CTNNA2: variants seen among roughly 807,000 people sequenced by gnomAD.
CTNNA2 encodes the protein catenin alpha-2.
A neutral mutation model predicts 101.0 loss-of-function variants in CTNNA2; 42 were observed. That is an observed-to-expected ratio of 0.42 (90% CI 0.32 to 0.54). The LOEUF (loss-of-function observed/expected upper bound fraction) is 0.54, where lower values mean the gene tolerates loss of function less well. Ranked by LOEUF, CTNNA2 falls within the 20% of genes least tolerant of loss-of-function variation. CTNNA2 has a pLI of 0.14. For missense variants in CTNNA2, 871 were observed against 1,223.1 expected (o/e 0.71, Z 4.29); for synonymous variants, 450 against 456.4 (o/e 0.99, Z 0.18).
chr2:79,428,359 C>T (rs750064163), intron 4 of CTNNA2, among the ~76,000 whole-genome samples: 4 of 152,052 alleles, frequency 2.6e-5, no homozygotes, highest in Non-Finnish European at 5.9e-5. Flanking sequence ...AGGCTCCACT[C>T]ACCTGTAGGT....
chr2:79,874,732 C>G (rs944359344), intron 6 of CTNNA2, among the ~76,000 whole-genome samples: 3 of 152,220 alleles, frequency 2.0e-5, no homozygotes, highest in African/African-American at 7.2e-5. Flanking sequence ...CGCTTAAACT[C>G]GGGAGGCGGA....
intron 1 of CTNNA2, among the ~76,000 whole-genome samples, chr2:79,554,391 A>G (rs1011668426): frequency 2.6e-5 from 4 of 152,162 alleles, no homozygotes; most frequent in Non-Finnish European, 5.9e-5. Flanking sequence ...AAAGAACTGT[A>G]GATGGAGATC....
intron 6 of CTNNA2, among the ~76,000 whole-genome samples, chr2:79,897,035 G>A (rs1171731847): frequency 6.6e-6 from 1 of 152,088 alleles, no homozygotes; most frequent in East Asian, 1.9e-4. Context: ...ACTGAGTAGA[G>A]GTGAGATTAT....
chr2:79,782,609 T>C (rs1674537320), intron 3 of CTNNA2, among the ~76,000 whole-genome samples: 1 of 152,198 alleles, frequency 6.6e-6, no homozygotes, highest in Non-Finnish European at 1.5e-5. Flanking sequence ...AAGATAAATT[T>C]TCTTATCTTC....
At chr2:79,242,653 C>A (rs894935676) in intron 2 of CTNNA2, among the ~76,000 whole-genome samples, 1 of 152,064 alleles carries the variant, frequency 6.6e-6, no homozygotes, top group African/African-American at 2.4e-5. Flanking sequence ...TATTGGAGAG[C>A]TATTAGAATT....
chr2:80,261,340 G>T (rs17018925), intron 7 of CTNNA2, among the ~76,000 whole-genome samples: 1 of 151,834 alleles, frequency 6.6e-6, no homozygotes, highest in Admixed American at 6.6e-5. Flanking sequence ...ACAGAACCCC[G>T]TAAAAGTTTA....
In CTNNA2 at chr2:80,382,336, T is replaced by C. The variant is rs115976965; in HGVS notation, c.1057-10875T>C. On this transcript the variant is annotated intron_variant, in intron 7 of 18. Transcript: ENST00000402739. ...TAATGGTCTGACACTTTCCTATCCT[T>C]GGGCAGCTGTGCCTTTAATTGGATA... 5.9e-3 allele frequency among the ~76,000 whole-genome samples: 886 copies of C among 150,612 alleles called. 5 individuals are homozygous for C. Among genetic ancestry groups the C allele is most frequent in the African/African-American group, 0.021 (833 of 40,118 alleles).
chr2:79,790,627 A>T (rs141441248), intron 3 of CTNNA2, among the ~76,000 whole-genome samples: 2,944 of 152,310 alleles, frequency 0.019, 87 homozygotes, highest in African/African-American at 0.066. Context: ...AGGAATCAGA[A>T]TGTAAGGCCA....
chr2:79,649,699 A>G (rs1681083116), intron 1 of CTNNA2, among the ~76,000 whole-genome samples: 1 of 152,182 alleles, frequency 6.6e-6, no homozygotes, highest in Non-Finnish European at 1.5e-5. Flanking sequence ...GTCGGTGCCA[A>G]CTATTGTTGT....
chr2:79,578,981 G>C (rs894097947), intron 1 of CTNNA2, among the ~76,000 whole-genome samples: 1 of 151,816 alleles, frequency 6.6e-6, no homozygotes, highest in Admixed American at 6.6e-5. Flanking sequence ...TGTCATATTT[G>C]ACATTACTAC....
intron 4 of CTNNA2, among the ~76,000 whole-genome samples, chr2:79,463,039 C>G (rs1368870019): frequency 6.6e-6 from 1 of 152,178 alleles, no homozygotes; most frequent in South Asian, 2.1e-4. Context: ...GGGTAGATAA[C>G]TTCTCTATTC....
intron 7 of CTNNA2, among the ~76,000 whole-genome samples, chr2:80,284,478 A>T (rs1674602654): frequency 6.6e-6 from 1 of 152,102 alleles, no homozygotes; most frequent in African/African-American, 2.4e-5. Context: ...CCTGATACAC[A>T]GTGGTTCAAA....
intron 7 of CTNNA2, among the ~76,000 whole-genome samples, chr2:80,214,981 T>A (rs1012417228): frequency 6.6e-6 from 1 of 152,160 alleles, no homozygotes; most frequent in Non-Finnish European, 1.5e-5. Context: ...TCTCTAAACT[T>A]CTCTTCTCGC....
At chr2:79,506,707 C>T (rs1671420766) in intron 5 of CTNNA2, among the ~76,000 whole-genome samples, 1 of 152,210 alleles carries the variant, frequency 6.6e-6, no homozygotes, top group South Asian at 2.1e-4. Flanking sequence ...ATCATCAAAA[C>T]ATATTTGGTA....
Position 79,874,478 on chromosome 2 carries a change from T to C in CTNNA2, c.852+136T>C, listed in dbSNP as rs1361514702. The C allele has an allele frequency of 3.8e-6, 4 of 1,046,112 alleles. No homozygotes were observed. The African/African-American group carries it at 4.8e-5, about 13-fold the overall frequency. The allele number at this position is 1,046,112 out of a possible 1,614,324, so 64.8% of individuals were successfully genotyped here. ...TGGAGGTTTTAATAGTAAGATAAAC[T>C]ACATAATGCATTTCTGTAATATATT... On this transcript the variant is annotated intron_variant, in intron 6 of 18. Transcript: ENST00000402739.
At chr2:80,345,091 C>A (rs193020163) in intron 7 of CTNNA2, among the ~76,000 whole-genome samples, 26 of 152,308 alleles carry the variant, frequency 1.7e-4, no homozygotes, top group African/African-American at 6.0e-4. Context: ...ATTCTCAACA[C>A]AATAGCCAGA....
chr2:79,436,884 G>A (rs202188880), intron 4 of CTNNA2, among the ~76,000 whole-genome samples: 2 of 152,034 alleles, frequency 1.3e-5, no homozygotes, highest in Admixed American at 1.3e-4. Context: ...ACCCTCCTCG[G>A]CCTCCCAAAG....
rs1573392439 is a variant in CTNNA2 at position 79,579,348 on chromosome 2, G to A, written c.-6+66141G>A. ...TTTATCTGCTACCTGGATCCCCCCT[G>A]TGGCCCTAGAATGAGGTTCACCACT... On this transcript the variant is annotated intron_variant, in intron 1 of 18. Coordinates refer to ENST00000402739, the MANE Select transcript of CTNNA2 (RefSeq NM_001282597.3). Among the ~76,000 whole-genome samples, 4 of 150,316 alleles carry A rather than the reference G, an allele frequency of 2.7e-5. No individual in the cohort carries two copies. The South Asian group carries it at 8.4e-4, about 31-fold the overall frequency.
At chr2:79,860,534 C>T (rs57037842) in intron 4 of CTNNA2, among the ~76,000 whole-genome samples, 40,226 of 122,506 alleles carry the variant, frequency 0.33, 5,937 homozygotes, top group Middle Eastern at 0.41. Flanking sequence ...TCCACACAGC[C>T]GAGTAAGGGA....
Sources: allele counts gnomAD v4.1 joint callset (sites outside exome capture counted in the v4.1 genomes callset), GRCh38; gene constraint gnomAD v4.1.1; transcripts MANE v1.5; gene names NCBI Gene and HGNC (gene_info 2026-07-23, HGNC 2026-07-21).